BCAS3: variants seen among roughly 807,000 people sequenced by gnomAD.
BCAS3 encodes BCAS4/BCAS3 fusion.
In BCAS3, 53 loss-of-function variants were observed where a neutral mutation model predicts 116.1. That is an observed-to-expected ratio of 0.46 (90% CI 0.37 to 0.57). BCAS3 has a LOEUF of 0.57. Ranked by LOEUF, BCAS3 falls within the 20% of genes least tolerant of loss-of-function variation. BCAS3 has a pLI of 0.00. For synonymous variants in BCAS3, 391 were observed against 408.2 expected, an observed-to-expected ratio of 0.96 and a Z score of 0.51; for missense variants, 917 against 1,165.4, an observed-to-expected ratio of 0.79 and a Z score of 3.10.
At chr17:60,970,068 T>C (rs1397100483) in intron 14 of BCAS3, among the ~76,000 whole-genome samples, 1 of 152,228 alleles carries the variant, frequency 6.6e-6, no homozygotes, top group Non-Finnish European at 1.5e-5. Flanking sequence ...TCTTGTTGAA[T>C]AGAAAGGATG....
rs1249360353 is a variant in BCAS3, at chr17:61,235,523, G to A, written c.2426-132804G>A. Among the ~76,000 whole-genome samples, 4 of 152,154 alleles carry A rather than the reference G, an allele frequency of 2.6e-5. No individual in the cohort carries two copies. The highest frequency in any genetic ancestry group is 2.6e-4 in the Admixed American group (4 of 15,278). ...CTTAATTTCATTCCAAACAGATTGT[G>A]AGGTGACTACGTAGTACAGAAGTAC... On this transcript the variant is annotated intron_variant, in intron 22 of 23. Coordinates refer to ENST00000407086, the MANE Select transcript of BCAS3 (RefSeq NM_017679.5). This position sits in a 1 kb window ranked among gnomAD's most constrained non-coding sequence, Gnocchi z 5.0.
intron 6 of BCAS3, among the ~76,000 whole-genome samples, chr17:60,781,639 TA>T (rs1453290107): frequency 1.3e-5 from 2 of 151,776 alleles, no homozygotes; most frequent in Non-Finnish European, 2.9e-5. Flanking sequence ...TAGACTGCCT[TA>T]TACTTACTCA....
At chr17:60,927,955 G>A (rs1034199923) in intron 13 of BCAS3, among the ~76,000 whole-genome samples, 1 of 151,918 alleles carries the variant, frequency 6.6e-6, no homozygotes, top group Non-Finnish European at 1.5e-5. Context: ...TTCTGGGAAA[G>A]TGGTTCTTGG....
chr17:61,038,115 C>T (rs1311562202), intron 18 of BCAS3, 61 bp downstream of exon 18: 8 of 1,469,170 alleles, frequency 5.4e-6, no homozygotes, highest in Non-Finnish European at 6.5e-6. Context: ...AGATTAAAAG[C>T]GTATAATTTG....
chr17:61,353,004 C>T (rs2057939496), intron 22 of BCAS3, among the ~76,000 whole-genome samples: 1 of 152,146 alleles, frequency 6.6e-6, no homozygotes, highest in African/African-American at 2.4e-5. Flanking sequence ...AAGGGACTGG[C>T]AGCTGAAGGC....
chr17:60,679,307 T>A, intron 1 of BCAS3, 146 bp from the exon 2 acceptor site: 1 of 581,134 alleles, frequency 1.7e-6, no homozygotes, highest in East Asian at 2.7e-5. Context: ...CCCTTTCTGG[T>A]GTAACAGGAA....
In BCAS3 at chr17:61,028,134, A is replaced by C. The variant is rs935704773; in HGVS notation, c.1638-6532A>C. Among the ~76,000 whole-genome samples the C allele has an allele frequency of 6.6e-6, 1 of 151,924 alleles. No homozygotes were observed. The highest frequency in any genetic ancestry group is 2.4e-5 in the African/African-American group (1 of 41,432). On this transcript the variant is annotated intron_variant, in intron 16 of 23. Coordinates refer to ENST00000407086, the MANE Select transcript of BCAS3 (RefSeq NM_017679.5). The surrounding 1 kb of genome is among the most constrained non-coding windows in gnomAD (Gnocchi z 4.3). ...TCCAACGTTTTTTCCTCTTGGACAG[A>C]AAGAAGCTTAAATAGTTCTTTAAGG...
chr17:60,872,660 A>G (rs1644686455), intron 8 of BCAS3, among the ~76,000 whole-genome samples: 1 of 151,150 alleles, frequency 6.6e-6, no homozygotes, highest in African/African-American at 2.4e-5. Context: ...ATCTATCTGT[A>G]TGTATATACA....
intron 11 of BCAS3, among the ~76,000 whole-genome samples, chr17:60,904,757 T>C (rs1054490400): frequency 3.9e-5 from 6 of 152,194 alleles, no homozygotes; most frequent in African/African-American, 1.4e-4. Context: ...TGCTTGAGCA[T>C]TGGAGGCCGA....
At chr17:60,866,033 A>G (rs1196635214) in intron 7 of BCAS3, among the ~76,000 whole-genome samples, 1 of 152,074 alleles carries the variant, frequency 6.6e-6, no homozygotes, top group African/African-American at 2.4e-5. Context: ...TTTTTCTGTG[A>G]ATATGGTGAA....
At chr17:61,119,176 A>G (rs1325160645) in intron 22 of BCAS3, among the ~76,000 whole-genome samples, 2 of 152,196 alleles carry the variant, frequency 1.3e-5, no homozygotes, top group African/African-American at 2.4e-5. Flanking sequence ...CCTATTGAGG[A>G]CAGGGTTTTT....
At chr17:61,002,812 CAG>C (rs749825248) in intron 15 of BCAS3, 16 of 151,978 alleles carry the variant, frequency 1.1e-4, no homozygotes, top group Non-Finnish European at 2.1e-4. Context: ...TTTATAATAT[CAG>C]AGTGATTAAA....
intron 9 of BCAS3, among the ~76,000 whole-genome samples, chr17:60,876,738 C>G (rs892335367): frequency 1.3e-5 from 2 of 152,092 alleles, no homozygotes; most frequent in Non-Finnish European, 2.9e-5. Context: ...TCATCTCTGC[C>G]TCTCTTGAGG....
In BCAS3 at chr17:61,028,416, C is replaced by T. The variant is rs563552050; in HGVS notation, c.1638-6250C>T. 6.6e-6 allele frequency among the ~76,000 whole-genome samples: 1 copy of T among 151,926 alleles called. No individual in the cohort carries two copies. Among genetic ancestry groups the T allele is most frequent in the Admixed American group, 6.6e-5 (1 of 15,242 alleles). On this transcript the variant is annotated intron_variant, in intron 16 of 23. Transcript: ENST00000407086. This position sits in a 1 kb window ranked among gnomAD's most constrained non-coding sequence, Gnocchi z 4.3. ...CTAAAAACAAATAAGATACACAGAT[C>T]TTACTTATGAGCCTTCCAGTGATCA...
intron 22 of BCAS3, among the ~76,000 whole-genome samples, chr17:61,301,903 T>C (rs1182654916): frequency 6.6e-6 from 1 of 152,160 alleles, no homozygotes; most frequent in Non-Finnish European, 1.5e-5. Context: ...CTTTACAGTG[T>C]AAAGAATCTG....
intron 23 of BCAS3, among the ~76,000 whole-genome samples, chr17:61,386,796 G>GTTTTT (rs57275173): frequency 1.8e-5 from 2 of 113,838 alleles, no homozygotes; most frequent in Admixed American, 9.4e-5. Context: ...TTTGTTTTTT[G>GTTTTT]TTTTTTTTTT....
At chr17:60,932,608 G>T (rs888483935) in intron 13 of BCAS3, among the ~76,000 whole-genome samples, 7 of 151,972 alleles carry the variant, frequency 4.6e-5, no homozygotes, top group African/African-American at 1.7e-4. Context: ...CAGGCGTGGT[G>T]GCGGGCACCT....
At chr17:60,882,728 G>A (rs1201547770) in intron 9 of BCAS3, among the ~76,000 whole-genome samples, 7 of 146,656 alleles carry the variant, frequency 4.8e-5, no homozygotes, top group African/African-American at 1.3e-4. Flanking sequence ...TTTTTGTCAG[G>A]TTTGTCAAAG....
intron 10 of BCAS3, among the ~76,000 whole-genome samples, chr17:60,896,113 G>T (rs1472557821): frequency 6.6e-6 from 1 of 152,180 alleles, no homozygotes; most frequent in Non-Finnish European, 1.5e-5. Flanking sequence ...ATGACTTGAG[G>T]TCAGGAGTTC....
Sources: gnomAD v4.1 joint callset for allele counts (sites outside exome capture counted in the v4.1 genomes callset) on GRCh38, gnomAD v4.1.1 for gene constraint, Gnocchi (gnomAD v3.1) non-coding constraint, MANE v1.5 for transcripts, NCBI Gene and HGNC (gene_info 2026-07-23, HGNC 2026-07-21) for gene names.